The following BTBD16 variants were observed in gnomAD, a reference collection of about 807,000 sequenced individuals.
The protein encoded by BTBD16 is BTB/POZ domain-containing protein 16.
A neutral mutation model predicts 67.4 loss-of-function variants in BTBD16; 66 were observed. The ratio of observed to expected loss-of-function variants is 0.98; its 90% confidence interval spans 0.80 to 1.20. The LOEUF (loss-of-function observed/expected upper bound fraction) is 1.20, where lower values mean the gene tolerates loss of function less well. Among genes scored for constraint, BTBD16 ranks in the 50% most tolerant of loss-of-function variants. The pLI is 0.00. For missense variants in BTBD16, 634 were observed against 616.0 expected, an observed-to-expected ratio of 1.03 and a Z score of -0.31; for synonymous variants, 242 against 236.4, an observed-to-expected ratio of 1.02 and a Z score of -0.22.
At chr10:122,316,604 T>C (rs1370067958) in intron 10 of BTBD16, among the ~76,000 whole-genome samples, 1 of 152,082 alleles carries the variant, frequency 6.6e-6, no homozygotes, top group Non-Finnish European at 1.5e-5. Flanking sequence ...CATAGGCAGT[T>C]GTAACACAAT....
chr10:122,295,378 T>C (rs2096381299), intron 7 of BTBD16: 1 of 985,208 alleles, frequency 1.0e-6, no homozygotes. Flanking sequence ...CCAATGCAGC[T>C]GCAATGGCCA....
Position 122,316,790 on chromosome 10 carries a change from CT to C in BTBD16, c.911+9497del, listed in dbSNP as rs528679644. On this transcript the variant is annotated intron_variant, in intron 10 of 15. Coordinates refer to ENST00000260723, the MANE Select transcript of BTBD16 (RefSeq NM_144587.5). ...GGACGTTACTGGGCAGCACTGTAGA[CT>C]TTTTTTTTTTTTTTGAAACGGAGTT... Among the ~76,000 whole-genome samples, 942 of 142,680 alleles carry C rather than the reference CT, an allele frequency of 6.6e-3. 8 individuals are homozygous for C. The highest frequency in any genetic ancestry group is 0.013 in the African/African-American group (521 of 39,410). The allele number at this position is 142,680 out of a possible 152,430, so 93.6% of individuals were successfully genotyped here. A position where few individuals can be genotyped will look rare whatever the true frequency, so the allele number is the denominator to read the frequency against.
intron 10 of BTBD16, among the ~76,000 whole-genome samples, chr10:122,308,748 G>T (rs1312426709): frequency 6.6e-6 from 1 of 152,178 alleles, no homozygotes; most frequent in Non-Finnish European, 1.5e-5. Flanking sequence ...AGGACCTTGT[G>T]GCCCACTTTT....
intron 3 of BTBD16, among the ~76,000 whole-genome samples, chr10:122,283,305 G>C (rs777317251): frequency 6.6e-6 from 1 of 152,226 alleles, no homozygotes; most frequent in African/African-American, 2.4e-5. Context: ...CAAGTGATGA[G>C]ATGTAACAAC....
intron 10 of BTBD16, chr10:122,328,880 A>T (rs539890186): frequency 1.1e-6 from 1 of 934,628 alleles, no homozygotes; most frequent in East Asian, 1.2e-4. Flanking sequence ...GCTTGGTATT[A>T]ACACTGAGTA....
intron 6 of BTBD16, 46 bp downstream of exon 6, chr10:122,290,044 G>A: frequency 1.5e-6 from 2 of 1,297,748 alleles, no homozygotes; most frequent in South Asian, 1.3e-5. Context: ...TTGAACAAAT[G>A]GTCCTCCCAG....
chr10:122,317,656 C>CA lies in BTBD16; in HGVS notation c.911+10355dup, dbSNP rs1371422671. Among the ~76,000 whole-genome samples the CA allele has an allele frequency of 5.3e-3, 622 of 118,224 alleles. 2 individuals are homozygous for CA. The highest frequency in any genetic ancestry group is 0.022 in the African/African-American group (581 of 26,752). The allele number at this position is 118,224 out of a possible 152,430, so 77.6% of individuals were successfully genotyped here. On this transcript the variant is annotated intron_variant, in intron 10 of 15. Coordinates refer to ENST00000260723, the MANE Select transcript of BTBD16 (RefSeq NM_144587.5). ...AGCGAGACTCTGTCTCAAAAAAACACAAAAAAACAAAAAAAACAAAAAAAC... is the reference window on the plus strand; with the variant it reads ...AGCGAGACTCTGTCTCAAAAAAACACAAAAAAAACAAAAAAAACAAAAAAAC...
At chr10:122,305,108 T>A (rs1487841942) in intron 9 of BTBD16, among the ~76,000 whole-genome samples, 1 of 152,220 alleles carries the variant, frequency 6.6e-6, no homozygotes, top group African/African-American at 2.4e-5. Flanking sequence ...CAAAGGAAAC[T>A]AAGGCTGCAG....
chr10:122,336,407 C>A, intron 14 of BTBD16, 87 bp from the exon 15 acceptor site: 2 of 1,203,590 alleles, frequency 1.7e-6, no homozygotes, highest in Non-Finnish European at 1.2e-6. Context: ...CATTATATAC[C>A]AGGGTCTATA....
chr10:122,271,568 G>C (rs953988158), intron 1 of BTBD16, 54 bp downstream of exon 1: 14 of 152,282 alleles, frequency 9.2e-5, no homozygotes, highest in African/African-American at 3.4e-4. Context: ...ATGTGTCCTA[G>C]TGACAGGTGC....
chr10:122,327,590 G>C (rs2133311312), intron 10 of BTBD16: 1 of 985,412 alleles, frequency 1.0e-6, no homozygotes, highest in South Asian at 4.7e-5. Flanking sequence ...CAGCTTGGTT[G>C]GATGATGAGA....
chr10:122,338,053 G>T lies in BTBD16; in HGVS notation c.1489G>T (p.Val497Leu). Reference sequence around the variant, plus strand: ...CCAAACTGTGGGCATCCCAATCTATGTAAGTTTTGCATTCATCTTCCCAGC... The same window carrying T: ...CCAAACTGTGGGCATCCCAATCTATTTAAGTTTTGCATTCATCTTCCCAGC... Reference protein sequence around the residue: ...KIQTVGIPIYVSFAFIFPAS With the variant: ...KIQTVGIPIYLSFAFIFPAS Residue 497 changes from valine to leucine, a missense_variant, in exon 16 of 16, where the codon GTA (valine) becomes TTA (leucine). Val to Leu is a conservative substitution (Grantham distance 32). Coordinates refer to ENST00000260723, the MANE Select transcript of BTBD16 (RefSeq NM_144587.5). 6.2e-7 allele frequency: 1 copy of T among 1,611,870 alleles called. No homozygotes were observed. The highest frequency in any genetic ancestry group is 1.1e-5 in the South Asian group (1 of 90,984).
At chr10:122,285,989 C>T in intron 4 of BTBD16, 116 bp from the exon 5 acceptor site, 1 of 1,047,092 alleles carries the variant, frequency 9.6e-7, no homozygotes. Context: ...AGGCTGCTTG[C>T]CTGCTTCATG....
chr10:122,299,286 C>A, intron 9 of BTBD16, 152 bp downstream of exon 9: 1 of 1,008,728 alleles, frequency 9.9e-7, no homozygotes, highest in Non-Finnish European at 1.4e-6. Flanking sequence ...GGCTGGAACT[C>A]AGGGTGCTGT....
At chr10:122,273,996 T>TG (rs1382406981) in intron 1 of BTBD16, among the ~76,000 whole-genome samples, 1 of 152,244 alleles carries the variant, frequency 6.6e-6, no homozygotes, top group African/African-American at 2.4e-5. Context: ...ATATGGCGAC[T>TG]GCACAGGAGA....
At chr10:122,303,342 A>G (rs553272563) in intron 9 of BTBD16, among the ~76,000 whole-genome samples, 7 of 152,366 alleles carry the variant, frequency 4.6e-5, no homozygotes, top group African/African-American at 1.7e-4. Flanking sequence ...CTTGAAATAC[A>G]TGTTCTCATC....
rs978519397 is a variant in BTBD16 at position 122,275,110 on chromosome 10, C to G, written c.18+11C>G. The G allele has an allele frequency of 6.2e-7, 1 of 1,612,948 alleles. No homozygotes were observed. The highest frequency in any genetic ancestry group is 1.3e-5 in the African/African-American group (1 of 74,966). On this transcript the variant is annotated intron_variant, in intron 2 of 15. Coordinates refer to ENST00000260723, the MANE Select transcript of BTBD16 (RefSeq NM_144587.5). ...ATAATGTCGAACACGGTGAGTAGAT[C>G]AGTTTCTCAAGAAGGTAGGTGATGA...
At chr10:122,277,019 G>T in intron 3 of BTBD16, 80 bp downstream of exon 3, 1 of 1,504,398 alleles carries the variant, frequency 6.6e-7, no homozygotes, top group Admixed American at 2.1e-5. Context: ...GGGCCACTCT[G>T]ATTGGCTGCA....
intron 6 of BTBD16, among the ~76,000 whole-genome samples, chr10:122,290,233 G>T (rs2096371438): frequency 6.6e-6 from 1 of 152,178 alleles, no homozygotes; most frequent in African/African-American, 2.4e-5. Flanking sequence ...ATTGAGAAAG[G>T]GTGTGAAGGA....
Sources: gnomAD v4.1 joint callset for allele counts (sites outside exome capture counted in the v4.1 genomes callset) on GRCh38, gnomAD v4.1.1 for gene constraint, MANE v1.5 for transcripts, NCBI Gene and HGNC (gene_info 2026-07-23, HGNC 2026-07-21) for gene names.